The following TCF20 variants were observed in gnomAD, a reference collection of about 807,000 sequenced individuals.
TCF20 encodes SPRE-binding protein.
TCF20 carries 3 observed loss-of-function variants against 148.6 expected under a neutral mutation model. The observed-to-expected ratio is 0.02, with a 90% confidence interval of 0.01 to 0.05. The LOEUF is 0.05. Among genes scored for constraint, TCF20 ranks in the 10% least tolerant of loss-of-function variants. The pLI, the probability that TCF20 is intolerant of heterozygous loss-of-function variation, is 1.00. For missense variants in TCF20, 2,350 were observed against 2,429.3 expected (o/e 0.97, Z 0.69); for synonymous variants, 1,049 against 909.5 (o/e 1.15, Z -2.76).
chr22:42,340,891 C>CCCCACCCCAACCAGCTG (rs1928153712), intron 1 of TCF20, among the ~76,000 whole-genome samples: 1 of 138,338 alleles, frequency 7.2e-6, no homozygotes, highest in Admixed American at 7.1e-5. Context: ...AAGCCCCCCC[C>CCCCACCCCAACCAGCTG]CCCACCCCAA....
Position 42,213,277 on chromosome 22 carries a change from C to T in TCF20, c.2029G>A (p.Gly677Arg). The change falls in exon 2 of 6, where the codon GGA (glycine) becomes AGA (arginine). Residue 677 changes from glycine (G) to arginine (R), a missense_variant. Gly to Arg is a moderately radical substitution (Grantham distance 125). Coordinates refer to ENST00000677622, the MANE Select transcript of TCF20 (RefSeq NM_001378418.1). ...KNGDNNSNHNGEGNGQSGHSA... is the reference protein window; with the variant it reads ...KNGDNNSNHNREGNGQSGHSA... ...TGGCCACTCTGGCCATTTCCTTCTC[C>T]ATTATGGTTGGAGTTGTTATCGCCA... 6.2e-7 allele frequency: 1 copy of T among 1,614,198 alleles called. No homozygotes were observed. Among genetic ancestry groups the T allele is most frequent in the Non-Finnish European group, 8.5e-7 (1 of 1,180,040 alleles).
intron 1 of TCF20, among the ~76,000 whole-genome samples, chr22:42,312,195 G>A (rs1214342871): frequency 1.3e-5 from 2 of 152,190 alleles, no homozygotes; most frequent in Non-Finnish European, 2.9e-5. Flanking sequence ...TCATGGATGA[G>A]TGAATGAGTA....
intron 3 of TCF20, among the ~76,000 whole-genome samples, chr22:42,178,962 G>A (rs1207567002): frequency 1.3e-5 from 2 of 149,858 alleles, no homozygotes; most frequent in African/African-American, 4.9e-5. Context: ...AAAAATGCTC[G>A]ACATTAGCCA....
At position 42,214,080 on chromosome 22, in the gene TCF20, T is replaced by C; in HGVS notation, c.1226A>G (p.Asn409Ser). The C allele has an allele frequency of 6.2e-7, 1 of 1,614,198 alleles. No homozygotes were observed. The highest frequency in any genetic ancestry group is 2.2e-5 in the East Asian group (1 of 44,886). Residue 409 changes from asparagine (N) to serine (S), a missense_variant, in exon 2 of 6, where the codon AAC (asparagine) becomes AGC (serine). Physicochemically the swap from Asn to Ser is conservative, Grantham distance 46. Around this residue, in one of 7 missense-constraint regions of TCF20, gnomAD observed 1,641 missense variants for 1,662.6 expected, o/e 0.99. Coordinates refer to ENST00000677622, the MANE Select transcript of TCF20 (RefSeq NM_001378418.1). ...GQGSVPMGSR[N>S]RILQLMPQLS... ...TTGAGGCATTAACTGTAAAATTCTGTTTCTGGAACCCATAGGCACACTGCC... is the reference window on the plus strand; with the variant it reads ...TTGAGGCATTAACTGTAAAATTCTGCTTCTGGAACCCATAGGCACACTGCC...
At chr22:42,325,515 C>T (rs753520313) in intron 1 of TCF20, among the ~76,000 whole-genome samples, 1 of 152,198 alleles carries the variant, frequency 6.6e-6, no homozygotes, top group African/African-American at 2.4e-5. Context: ...CTCATGCACA[C>T]GGTGGCAAGT....
intron 1 of TCF20, among the ~76,000 whole-genome samples, chr22:42,221,737 G>C (rs1049011283): frequency 2.3e-5 from 1 of 43,644 alleles, no homozygotes; most frequent in Non-Finnish European, 4.3e-5. Context: ...ATATGGCAAA[G>C]GGTTTTTTTT....
At chr22:42,289,451 T>G (rs1569201833) in intron 1 of TCF20, among the ~76,000 whole-genome samples, 2 of 152,190 alleles carry the variant, frequency 1.3e-5, no homozygotes, top group South Asian at 4.1e-4. Flanking sequence ...ACAGAGCCAC[T>G]CCTGGCTGTG....
chr22:42,236,527 T>C (rs1465747952), intron 1 of TCF20, among the ~76,000 whole-genome samples: 1 of 152,184 alleles, frequency 6.6e-6, no homozygotes, highest in Non-Finnish European at 1.5e-5. Context: ...GGCCTGACAG[T>C]TGGAGCTCTA....
At chr22:42,304,969 A>G (rs548221840) in intron 1 of TCF20, among the ~76,000 whole-genome samples, 1 of 152,172 alleles carries the variant, frequency 6.6e-6, no homozygotes, top group Admixed American at 6.5e-5. Context: ...TTGTCTCTAC[A>G]GCTTGTGCTC....
At chr22:42,231,887 C>T (rs991868412) in intron 1 of TCF20, among the ~76,000 whole-genome samples, 23 of 145,846 alleles carry the variant, frequency 1.6e-4, no homozygotes, top group African/African-American at 5.9e-4. Context: ...CAAGATCAAG[C>T]CACCGCACTC....
chr22:42,196,689 A>G (rs929279118), intron 2 of TCF20, among the ~76,000 whole-genome samples: 2 of 152,220 alleles, frequency 1.3e-5, no homozygotes, highest in Non-Finnish European at 2.9e-5. Flanking sequence ...GCCAGCCACA[A>G]TGAATAGGCC....
At chr22:42,240,934 C>T (rs1312273268) in intron 1 of TCF20, among the ~76,000 whole-genome samples, 6 of 152,086 alleles carry the variant, frequency 3.9e-5, no homozygotes, top group Admixed American at 2.0e-4. Context: ...CAGTTCACTG[C>T]GACCTCCGCC....
chr22:42,310,983 T>C (rs1927525028), intron 1 of TCF20, among the ~76,000 whole-genome samples: 2 of 152,196 alleles, frequency 1.3e-5, no homozygotes, highest in Non-Finnish European at 2.9e-5. Context: ...GGCTCATCAA[T>C]ACCCAAGAAA....
At chr22:42,243,807 T>C (rs190584864) in intron 1 of TCF20, among the ~76,000 whole-genome samples, 204 of 152,300 alleles carry the variant, frequency 1.3e-3, no homozygotes, top group African/African-American at 4.7e-3. Flanking sequence ...AGCAATAAAG[T>C]CTACTAACAT....
At chr22:42,221,196 G>A (rs1007198855) in intron 1 of TCF20, among the ~76,000 whole-genome samples, 2 of 152,210 alleles carry the variant, frequency 1.3e-5, no homozygotes, top group African/African-American at 4.8e-5. Context: ...GGAGGTAGAT[G>A]CAGCACACGT....
intron 1 of TCF20, among the ~76,000 whole-genome samples, chr22:42,341,265 C>T (rs908421320): frequency 2.6e-5 from 4 of 152,158 alleles, no homozygotes; most frequent in East Asian, 1.9e-4. Context: ...TGAAGATGGC[C>T]GACATTAATC....
At chr22:42,177,941 C>G (rs1410556962) in intron 3 of TCF20, among the ~76,000 whole-genome samples, 1 of 152,056 alleles carries the variant, frequency 6.6e-6, no homozygotes, top group Non-Finnish European at 1.5e-5. Context: ...GGCTGGGCAC[C>G]AGAGAGACGA....
rs1414949914 is a variant in TCF20 at position 42,161,250 on chromosome 22, G to A, written c.*153C>T. On this transcript the variant is annotated 3_prime_UTR_variant, in exon 6 of 6. Transcript: ENST00000677622. Reference sequence around the variant, plus strand: ...AGAACTTAAGGAAGTGCTGGCATGGGCAGGCACGCGGGCGGGGCGGGGCGG... The same window carrying A: ...AGAACTTAAGGAAGTGCTGGCATGGACAGGCACGCGGGCGGGGCGGGGCGG... 1.3e-6 allele frequency: 2 copies of A among 1,541,584 alleles called. No homozygotes were observed. The highest frequency in any genetic ancestry group is 1.4e-5 in the African/African-American group (1 of 72,568).
At chr22:42,170,786 T>C (rs190259338) in intron 3 of TCF20, among the ~76,000 whole-genome samples, 6 of 152,338 alleles carry the variant, frequency 3.9e-5, no homozygotes, top group Middle Eastern at 3.4e-3. Context: ...TCCTTGATTC[T>C]AGGCTAACCC....
Sources: gnomAD v4.1 joint callset for allele counts (sites outside exome capture counted in the v4.1 genomes callset) on GRCh38, gnomAD v4.1.1 for gene constraint, gnomAD v4.1.1 regional missense constraint, MANE v1.5 for transcripts, NCBI Gene and HGNC (gene_info 2026-07-23, HGNC 2026-07-21) for gene names.